The following DCDC2C variants were observed in gnomAD, a reference collection of about 807,000 sequenced individuals.
DCDC2C encodes doublecortin domain containing 2C.
In DCDC2C, 44 loss-of-function variants were observed where a neutral mutation model predicts 45.0. The observed-to-expected ratio is 0.98, with a 90% CI of 0.77 to 1.26. DCDC2C has a LOEUF of 1.26. DCDC2C is among the 50% of genes most tolerant of loss of function. The pLI is 0.00. For missense variants in DCDC2C, 447 were observed against 468.9 expected, an observed-to-expected ratio of 0.95 and a Z score of 0.43; for synonymous variants, 187 against 178.8, an observed-to-expected ratio of 1.05 and a Z score of -0.37.
rs529919375 is a variant in DCDC2C at position 3,749,229 on chromosome 2, G to T, written c.546-3534G>T. Among the ~76,000 whole-genome samples, 24 of 152,194 alleles carry T rather than the reference G, an allele frequency of 1.6e-4. No homozygotes were observed. In the South Asian group the frequency reaches 2.1e-3, roughly 13 times the overall value. On this transcript the variant is annotated intron_variant, in intron 4 of 10. Coordinates refer to ENST00000399143, the MANE Select transcript of DCDC2C (RefSeq NM_001287444.2). ...GTTTTCCAATTTAAAAAACAATTTT[G>T]CAAATGGCCGTTGCATTTAGTGCTC...
At chr2:3,748,214 G>C (rs1669431358) in intron 4 of DCDC2C, among the ~76,000 whole-genome samples, 1 of 152,118 alleles carries the variant, frequency 6.6e-6, no homozygotes, top group Admixed American at 6.5e-5. Flanking sequence ...CTCCGGGGTG[G>C]GATAGGAGAC....
chr2:3,817,989 C>T (rs1208584400), intron 10 of DCDC2C, among the ~76,000 whole-genome samples: 1 of 152,074 alleles, frequency 6.6e-6, no homozygotes, highest in Non-Finnish European at 1.5e-5. Context: ...CGGACACAAT[C>T]AGCAGGGAGA....
intron 10 of DCDC2C, among the ~76,000 whole-genome samples, chr2:3,845,480 A>G (rs912967013): frequency 5.3e-5 from 8 of 152,214 alleles, no homozygotes; most frequent in Non-Finnish European, 1.0e-4. Context: ...TTAGTGGTAT[A>G]TACAGTGTTG....
intron 3 of DCDC2C, among the ~76,000 whole-genome samples, chr2:3,736,206 A>G (rs1669020122): frequency 1.3e-5 from 2 of 152,186 alleles, no homozygotes; most frequent in Non-Finnish European, 2.9e-5. Context: ...AGTGGATTCT[A>G]ATACCCCAAT....
chr2:3,782,571 T>C (rs1400895380), intron 9 of DCDC2C, among the ~76,000 whole-genome samples: 2 of 151,524 alleles, frequency 1.3e-5, no homozygotes, highest in Admixed American at 1.3e-4. Flanking sequence ...CTCCGCCTCC[T>C]GGGTTCACAC....
chr2:3,811,393 G>C lies in DCDC2C; in HGVS notation c.1065+26293G>C, dbSNP rs116207343. Among the ~76,000 whole-genome samples, 427 of 152,196 alleles carry C rather than the reference G, an allele frequency of 2.8e-3. 2 individuals carry two copies. Among genetic ancestry groups the C allele is most frequent in the African/African-American group, 9.8e-3 (405 of 41,514 alleles). On this transcript the variant is annotated intron_variant, in intron 10 of 10. Transcript: ENST00000399143. ...TTGGCTGTCTGCTTGTGTATTGTTG[G>C]TGTAAAGAATCCTTGTGATTTTTGC...
chr2:3,776,798 C>A (rs991696573), intron 8 of DCDC2C, among the ~76,000 whole-genome samples: 11 of 152,204 alleles, frequency 7.2e-5, no homozygotes, highest in Non-Finnish European at 1.3e-4. Flanking sequence ...CACTGAAGCT[C>A]AGCAGAGTGA....
At position 3,847,612 on chromosome 2, in the gene DCDC2C, T is replaced by A. The variant is rs1402562659; in HGVS notation, c.*429T>A. 6.6e-6 allele frequency among the ~76,000 whole-genome samples: 1 copy of A among 152,196 alleles called. No individual in the cohort carries two copies. ...ATGTAAAGTTCAAAGTATAAAAATG[T>A]TTTACCTTCTGAATAACTAGTTCAA... On this transcript the variant is annotated 3_prime_UTR_variant, in exon 11 of 11. Coordinates refer to ENST00000399143, the MANE Select transcript of DCDC2C (RefSeq NM_001287444.2).
chr2:3,730,457 C>A (rs1572567032), intron 3 of DCDC2C, among the ~76,000 whole-genome samples: 1 of 152,130 alleles, frequency 6.6e-6, no homozygotes, highest in East Asian at 1.9e-4. Context: ...TGCTTGAGAC[C>A]ATCATTACGA....
chr2:3,794,186 G>A (rs1670895083), intron 10 of DCDC2C, among the ~76,000 whole-genome samples: 1 of 152,046 alleles, frequency 6.6e-6, no homozygotes, highest in Non-Finnish European at 1.5e-5. Context: ...GGTTCATTGA[G>A]TTATGCAAAT....
chr2:3,755,736 A>C (rs1460200731), intron 6 of DCDC2C, among the ~76,000 whole-genome samples: 1 of 151,604 alleles, frequency 6.6e-6, no homozygotes, highest in East Asian at 1.9e-4. Flanking sequence ...TGTTGTATGG[A>C]TGTGTGTATG....
At position 3,786,936 on chromosome 2, in the gene DCDC2C, A is replaced by G. The variant is rs72771274; in HGVS notation, c.1065+1836A>G. On this transcript the variant is annotated intron_variant, in intron 10 of 10. Transcript: ENST00000399143. ...AAAGTATAACATATCTATGTTTAAA[A>G]TGGTGTTTATATTATTTGTTCTTGA... Among the ~76,000 whole-genome samples the G allele has an allele frequency of 6.9e-3, 1,051 of 152,372 alleles. 4 individuals carry two copies. Among genetic ancestry groups the G allele is most frequent in the Non-Finnish European group, 0.011 (777 of 68,032 alleles).
intron 8 of DCDC2C, among the ~76,000 whole-genome samples, chr2:3,770,001 G>T (rs369274283): frequency 6.6e-6 from 1 of 152,260 alleles, no homozygotes; most frequent in East Asian, 1.9e-4. Flanking sequence ...GGAGTGGGGA[G>T]CAGGGTTCTG....
intron 10 of DCDC2C, among the ~76,000 whole-genome samples, chr2:3,822,437 C>A (rs1293228087): frequency 2.6e-5 from 4 of 151,996 alleles, no homozygotes; most frequent in Non-Finnish European, 5.9e-5. Context: ...TTATAATCAC[C>A]TTATTTCTGT....
chr2:3,794,009 C>T (rs1475009621), intron 10 of DCDC2C, among the ~76,000 whole-genome samples: 1 of 152,196 alleles, frequency 6.6e-6, no homozygotes, highest in Non-Finnish European at 1.5e-5. Flanking sequence ...CAAAACTTGA[C>T]AAGTGATAGT....
At chr2:3,815,150 T>G (rs1242931890) in intron 10 of DCDC2C, among the ~76,000 whole-genome samples, 1 of 152,218 alleles carries the variant, frequency 6.6e-6, no homozygotes, top group Non-Finnish European at 1.5e-5. Context: ...ATTGGTACGC[T>G]AGGTCCCAGT....
intron 5 of DCDC2C, 52 bp from the exon 6 acceptor site, chr2:3,754,540 A>G (rs1669635609): frequency 1.3e-6 from 2 of 1,535,220 alleles, no homozygotes; most frequent in Admixed American, 2.1e-5. Context: ...TTTTATAGAG[A>G]TAACTTAGGG....
At chr2:3,738,101 A>C (rs1166636085) in intron 3 of DCDC2C, among the ~76,000 whole-genome samples, 1 of 152,244 alleles carries the variant, frequency 6.6e-6, no homozygotes, top group African/African-American at 2.4e-5. Flanking sequence ...TCAGCCTGTC[A>C]ATACTGCTAA....
At chr2:3,817,461 G>A (rs953944977) in intron 10 of DCDC2C, among the ~76,000 whole-genome samples, 1 of 152,178 alleles carries the variant, frequency 6.6e-6, no homozygotes, top group African/African-American at 2.4e-5. Flanking sequence ...TTGCTGACAG[G>A]TAGTGGAGTG....
Sources: allele counts gnomAD v4.1 joint callset (sites outside exome capture counted in the v4.1 genomes callset), GRCh38; gene constraint gnomAD v4.1.1; transcripts MANE v1.5; gene names NCBI Gene and HGNC (gene_info 2026-07-23, HGNC 2026-07-21).